The following RANBP3 variants were observed in gnomAD, a reference collection of about 807,000 sequenced individuals.
RANBP3 encodes the protein ran-binding protein 3.
In RANBP3, 14 loss-of-function variants were observed where a neutral mutation model predicts 77.3. That is an observed-to-expected ratio of 0.18 (90% CI 0.12 to 0.28). The LOEUF (loss-of-function observed/expected upper bound fraction) is 0.28, where lower values mean the gene tolerates loss of function less well. Among genes scored for constraint, RANBP3 ranks in the 10% least tolerant of loss-of-function variants. The probability of loss-of-function intolerance (pLI) is 1.00; values close to 1 mark genes in which losing one functional copy is unlikely to be tolerated. For synonymous variants in RANBP3, 315 were observed against 312.4 expected, an observed-to-expected ratio of 1.01 and a Z score of -0.09; for missense variants, 586 against 752.3, an observed-to-expected ratio of 0.78 and a Z score of 2.59.
Position 5,923,318 on chromosome 19 carries a change from GC to G in RANBP3, c.1100-16del, listed in dbSNP as rs1568446866. 6.2e-7 allele frequency: 1 copy of G among 1,609,884 alleles called. No homozygotes were observed. Among genetic ancestry groups the G allele is most frequent in the Admixed American group, 1.7e-5 (1 of 59,982 alleles). ...AGCCAGGGACTCTGAAAAGTTATTG[GC>G]CAAAAAGACTGACTGATTATTTGGC... On this transcript the variant is annotated splice_polypyrimidine_tract_variant and intron_variant, in intron 12 of 16. Coordinates refer to ENST00000340578, the MANE Select transcript of RANBP3 (RefSeq NM_007322.3).
chr19:5,922,151 CTCTG>C (rs1599719305), intron 13 of RANBP3, among the ~76,000 whole-genome samples: 1 of 126,724 alleles, frequency 7.9e-6, no homozygotes, highest in East Asian at 3.4e-4. Context: ...AGTTGTCTGA[CTCTG>C]TGAATATACT....
At position 5,918,771 on chromosome 19, in the gene RANBP3, C is replaced by A. The variant is rs1322563590; in HGVS notation, c.1331-133G>T. 3.4e-6 allele frequency: 4 copies of A among 1,164,694 alleles called. No individual in the cohort carries two copies. The Admixed American group carries it at 9.3e-5, about 27-fold the overall frequency. The allele number at this position is 1,164,694 out of a possible 1,614,324, so 72.1% of individuals were successfully genotyped here. ...AAGCCCATGATCCTCCCAGGACCCA[C>A]CCACAGAGCAAGACTTCTCCCTGAG... On this transcript the variant is annotated intron_variant, in intron 14 of 16. Coordinates refer to ENST00000340578, the MANE Select transcript of RANBP3 (RefSeq NM_007322.3).
At chr19:5,963,182 T>A (rs2058424574) in intron 1 of RANBP3, among the ~76,000 whole-genome samples, 3 of 152,188 alleles carry the variant, frequency 2.0e-5, no homozygotes, top group African/African-American at 7.2e-5. Flanking sequence ...TCCTGTAACA[T>A]GCTCCCTGTT....
chr19:5,944,647 G>C (rs902913400), intron 3 of RANBP3, among the ~76,000 whole-genome samples: 4 of 152,206 alleles, frequency 2.6e-5, no homozygotes, highest in Non-Finnish European at 5.9e-5. Flanking sequence ...CTGTAGGCTG[G>C]CTTTGGCCTC....
chr19:5,936,901 T>C (rs1378410817), intron 5 of RANBP3, among the ~76,000 whole-genome samples: 1 of 151,398 alleles, frequency 6.6e-6, no homozygotes, highest in East Asian at 1.9e-4. Flanking sequence ...GCAGGGATGG[T>C]GCTCAGAGTA....
intron 2 of RANBP3, among the ~76,000 whole-genome samples, chr19:5,956,336 T>C (rs1009478955): frequency 6.6e-6 from 1 of 152,126 alleles, no homozygotes; most frequent in Non-Finnish European, 1.5e-5. Flanking sequence ...TTCACTATTC[T>C]CTAAAACTAG....
intron 7 of RANBP3, 21 bp downstream of exon 7, chr19:5,932,431 G>T: frequency 6.2e-7 from 1 of 1,607,900 alleles, no homozygotes; most frequent in Non-Finnish European, 8.5e-7. Context: ...GGGCCTGGGC[G>T]CCAGGGCTGC....
At chr19:5,964,362 G>A (rs971744857) in intron 1 of RANBP3, among the ~76,000 whole-genome samples, 1 of 152,212 alleles carries the variant, frequency 6.6e-6, no homozygotes, top group African/African-American at 2.4e-5. Context: ...CTGTCAGGGT[G>A]CTCTGTCCCA....
chr19:5,937,787 A>T (rs1345280025), intron 5 of RANBP3, among the ~76,000 whole-genome samples: 1 of 151,990 alleles, frequency 6.6e-6, no homozygotes, highest in East Asian at 1.9e-4. Flanking sequence ...GCTGGAGGGG[A>T]AAGGTCTGTG....
At chr19:5,977,497 G>C (rs1231223229) in intron 1 of RANBP3, among the ~76,000 whole-genome samples, 1 of 152,128 alleles carries the variant, frequency 6.6e-6, no homozygotes, top group Non-Finnish European at 1.5e-5. Context: ...GATCCGGGGG[G>C]AACTGGCGGG....
At chr19:5,946,584 A>C (rs1279292638) in intron 3 of RANBP3, among the ~76,000 whole-genome samples, 1 of 152,200 alleles carries the variant, frequency 6.6e-6, no homozygotes, top group African/African-American at 2.4e-5. Flanking sequence ...GGAAGCAAGA[A>C]GACAGAACGC....
intron 7 of RANBP3, 22 bp downstream of exon 7, chr19:5,932,428 GGC>G: frequency 3.1e-6 from 5 of 1,607,004 alleles, no homozygotes; most frequent in Non-Finnish European, 3.4e-6. Flanking sequence ...TCTGGGCCTG[GGC>G]GCCAGGGCTG....
intron 5 of RANBP3, among the ~76,000 whole-genome samples, chr19:5,935,057 T>C (rs1165682216): frequency 6.6e-6 from 1 of 152,126 alleles, no homozygotes; most frequent in Non-Finnish European, 1.5e-5. Context: ...CACGTGATGG[T>C]CGCACAACTC....
chr19:5,933,249 T>C (rs2058019460), intron 6 of RANBP3, 165 bp downstream of exon 6: 1 of 567,100 alleles, frequency 1.8e-6, no homozygotes, highest in Non-Finnish European at 3.0e-6. Flanking sequence ...CCAACCTCCC[T>C]GCTCAGACAG....
At position 5,977,982 on chromosome 19, in the gene RANBP3, C is replaced by T. The variant is rs1332132559; in HGVS notation, c.22+79G>A. 3.2e-6 allele frequency: 5 copies of T among 1,578,916 alleles called. No homozygotes were observed. In the Admixed American group the frequency reaches 7.0e-5, roughly 22 times the overall value. On this transcript the variant is annotated intron_variant, in intron 1 of 16. Transcript: ENST00000340578. The stretch of plus-strand genomic sequence containing the variant: ...AAACCCTTGCACTCTGCGGTGCTCC[C>T]CCCAAGGGCTTGTGGCCCCTAGTCC...
chr19:5,963,772 C>T (rs565791039), intron 1 of RANBP3, among the ~76,000 whole-genome samples: 1 of 152,178 alleles, frequency 6.6e-6, no homozygotes, highest in Non-Finnish European at 1.5e-5. Context: ...TCTGGCCCAC[C>T]ACATACTTCT....
Position 5,917,428 on chromosome 19 carries a change from C to A in RANBP3, c.*182G>T. 2 of 611,252 alleles carry A rather than the reference C, an allele frequency of 3.3e-6. No individual in the cohort carries two copies. Among genetic ancestry groups the A allele is most frequent in the Non-Finnish European group, 2.8e-6 (1 of 357,416 alleles). 37.9% of individuals were successfully genotyped at this position (611,252 alleles called of 1,614,324 possible). The stretch of plus-strand genomic sequence containing the variant: ...ATATGATGAGGTCTCGTGTCCCAAA[C>A]CACATTCAGGCAGTTCCCGAGTCTG... On this transcript the variant is annotated 3_prime_UTR_variant, in exon 17 of 17. Coordinates refer to ENST00000340578, the MANE Select transcript of RANBP3 (RefSeq NM_007322.3).
intron 2 of RANBP3, among the ~76,000 whole-genome samples, chr19:5,957,554 C>T (rs190910144): frequency 1.8e-4 from 24 of 136,408 alleles, no homozygotes; most frequent in East Asian, 7.8e-4. Flanking sequence ...CTCCCTGACT[C>T]CCTCCCCACC....
intron 5 of RANBP3, among the ~76,000 whole-genome samples, chr19:5,940,901 GTTATA>G (rs1321587512): frequency 1.3e-5 from 2 of 152,234 alleles, no homozygotes; most frequent in Non-Finnish European, 2.9e-5. Flanking sequence ...CTTTCTGAGT[GTTATA>G]TTAAGTAGTG....
Sources: allele counts gnomAD v4.1 joint callset (sites outside exome capture counted in the v4.1 genomes callset), GRCh38; gene constraint gnomAD v4.1.1; transcripts MANE v1.5; gene names NCBI Gene and HGNC (gene_info 2026-07-23, HGNC 2026-07-21).